The following ZDHHC14 variants were observed in gnomAD, a reference collection of about 807,000 sequenced individuals.
ZDHHC14 encodes the protein palmitoyltransferase ZDHHC14.
Under a neutral mutation model 47.7 loss-of-function variants are expected in ZDHHC14, and 16 were observed. The observed-to-expected ratio is 0.34, with a 90% CI of 0.23 to 0.51. The LOEUF is 0.51. Ranked by LOEUF, ZDHHC14 falls within the 20% of genes least tolerant of loss-of-function variation. ZDHHC14 has a pLI of 0.97. For missense variants in ZDHHC14, 515 were observed against 662.5 expected (o/e 0.78, Z 2.44); for synonymous variants, 293 against 278.9 (o/e 1.05, Z -0.50).
intron 2 of ZDHHC14, among the ~76,000 whole-genome samples, chr6:157,543,813 G>T (rs751050348): frequency 6.6e-6 from 1 of 152,216 alleles, no homozygotes; most frequent in African/African-American, 2.4e-5. Context: ...TAGGAAGGAG[G>T]GGGAGGGAGA....
Position 157,676,376 on chromosome 6 carries a change from A to C in ZDHHC14, c.*3254A>C, listed in dbSNP as rs1164383924. ...AAATGCGAAATCTCTGTTCTGGCCC[A>C]GAATGGCACAAGGGAGGAGTCTTTG... On this transcript the variant is annotated 3_prime_UTR_variant, in exon 9 of 9. Coordinates refer to ENST00000359775, the MANE Select transcript of ZDHHC14 (RefSeq NM_024630.3). 1 of 152,394 alleles carries C rather than the reference A, an allele frequency of 6.6e-6. No homozygotes were observed. Among genetic ancestry groups the C allele is most frequent in the African/African-American group, 2.4e-5 (1 of 41,488 alleles). 9.4% of individuals were successfully genotyped at this position (152,394 alleles called of 1,614,324 possible). A position where few individuals can be genotyped will look rare whatever the true frequency, so the allele number is the denominator to read the frequency against.
At chr6:157,399,749 C>T (rs892688165) in intron 1 of ZDHHC14, among the ~76,000 whole-genome samples, 1 of 152,232 alleles carries the variant, frequency 6.6e-6, no homozygotes, top group Non-Finnish European at 1.5e-5. Flanking sequence ...GTGATCTCAC[C>T]ATTCTCCATG....
At chr6:157,531,082 G>A (rs1781346367) in intron 1 of ZDHHC14, among the ~76,000 whole-genome samples, 1 of 152,056 alleles carries the variant, frequency 6.6e-6, no homozygotes, top group African/African-American at 2.4e-5. Flanking sequence ...GTCTGCTCAG[G>A]TCCCTCTCGG....
chr6:157,488,262 T>C (rs1287108996), intron 1 of ZDHHC14, among the ~76,000 whole-genome samples: 1 of 152,208 alleles, frequency 6.6e-6, no homozygotes, highest in Non-Finnish European at 1.5e-5. Context: ...TGATCTTCTC[T>C]ACTCCACTGT....
At chr6:157,636,051 C>T (rs1217412596) in intron 5 of ZDHHC14, among the ~76,000 whole-genome samples, 1 of 152,152 alleles carries the variant, frequency 6.6e-6, no homozygotes, top group Non-Finnish European at 1.5e-5. Flanking sequence ...GGCAGGGCAG[C>T]CACAGCCTGC....
intron 2 of ZDHHC14, among the ~76,000 whole-genome samples, chr6:157,584,638 C>A (rs566055260): frequency 1.4e-4 from 22 of 152,248 alleles, no homozygotes; most frequent in African/African-American, 4.8e-4. Flanking sequence ...TGATAGAAGG[C>A]CTCCAGCAAG....
intron 1 of ZDHHC14, among the ~76,000 whole-genome samples, chr6:157,412,355 C>T (rs766098899): frequency 3.3e-5 from 5 of 150,002 alleles, no homozygotes; most frequent in Admixed American, 1.3e-4. Context: ...TGCAGTGGTG[C>T]GATCTTGGCT....
intron 2 of ZDHHC14, among the ~76,000 whole-genome samples, chr6:157,556,150 A>G (rs915527739): frequency 2.0e-5 from 3 of 151,788 alleles, no homozygotes; most frequent in African/African-American, 7.3e-5. Context: ...AGCGTGGCGT[A>G]CTCGGAGTAA....
chr6:157,438,227 G>A (rs1778483053), intron 1 of ZDHHC14, among the ~76,000 whole-genome samples: 1 of 152,094 alleles, frequency 6.6e-6, no homozygotes, highest in Admixed American at 6.5e-5. Context: ...CACAAATTTG[G>A]GCTTTCCTGG....
intron 3 of ZDHHC14, among the ~76,000 whole-genome samples, chr6:157,606,921 C>T (rs780110261): frequency 6.6e-6 from 1 of 152,126 alleles, no homozygotes; most frequent in Non-Finnish European, 1.5e-5. Context: ...TGTTTGTCAC[C>T]ACTAGAAACT....
At chr6:157,511,547 C>CTTTTT (rs34988240) in intron 1 of ZDHHC14, among the ~76,000 whole-genome samples, 6 of 114,918 alleles carry the variant, frequency 5.2e-5, no homozygotes, top group Admixed American at 9.9e-5. Flanking sequence ...AGCCCGGGTA[C>CTTTTT]TTTTTTTTTT....
At chr6:157,501,001 A>G (rs962251517) in intron 1 of ZDHHC14, among the ~76,000 whole-genome samples, 4 of 152,198 alleles carry the variant, frequency 2.6e-5, no homozygotes, top group African/African-American at 9.7e-5. Context: ...ATTATTTAGC[A>G]TATTGGAAAG....
chr6:157,509,450 A>G (rs1471867673), intron 1 of ZDHHC14, among the ~76,000 whole-genome samples: 1 of 152,174 alleles, frequency 6.6e-6, no homozygotes, highest in African/African-American at 2.4e-5. Context: ...TAATGGGGAC[A>G]ACTTTATTGT....
Position 157,593,128 on chromosome 6 carries a change from C to G in ZDHHC14, c.547C>G (p.Leu183Val). 2 of 1,613,216 alleles carry G rather than the reference C, an allele frequency of 1.2e-6. No individual in the cohort carries two copies. The highest frequency in any genetic ancestry group is 2.2e-5 in the South Asian group (2 of 90,930). The change falls in exon 3 of 9, where the codon CTT (leucine) becomes GTT (valine). Residue 183 changes from leucine (L) to valine (V), a missense_variant. Physicochemically the swap from Leu to Val is conservative, Grantham distance 32. Transcript: ENST00000359775. ...GCCCCCTCGCGCCTCCCATTGCAGC[C>G]TTTGTGATAACTGCGTAGGTGAGTA... The part of the protein sequence containing the change: ...FRPPRASHCS[L>V]CDNCVERFDH...
intron 8 of ZDHHC14, among the ~76,000 whole-genome samples, chr6:157,667,481 C>T (rs1021900455): frequency 7.3e-5 from 11 of 151,380 alleles, no homozygotes; most frequent in African/African-American, 2.2e-4. Flanking sequence ...AAAGAGAAGA[C>T]GGAAAAAGGA....
chr6:157,631,664 C>T (rs1286340932), intron 4 of ZDHHC14: 1 of 152,202 alleles, frequency 6.6e-6, no homozygotes. Flanking sequence ...CCTGGGAAGG[C>T]GAAGTCTGGA....
At chr6:157,666,916 G>A (rs1778577763) in intron 8 of ZDHHC14, among the ~76,000 whole-genome samples, 1 of 152,032 alleles carries the variant, frequency 6.6e-6, no homozygotes, top group Admixed American at 6.6e-5. Flanking sequence ...ACTTCATTTG[G>A]GCAGTAAATC....
At chr6:157,538,311 C>G (rs1371081669) in intron 1 of ZDHHC14, among the ~76,000 whole-genome samples, 2 of 152,162 alleles carry the variant, frequency 1.3e-5, no homozygotes, top group Non-Finnish European at 2.9e-5. Flanking sequence ...ATCCTGTCCT[C>G]TCAGCTGAGG....
intron 1 of ZDHHC14, among the ~76,000 whole-genome samples, chr6:157,475,297 C>T (rs181561170): frequency 1.3e-5 from 2 of 152,154 alleles, no homozygotes; most frequent in Admixed American, 6.5e-5. Flanking sequence ...ATTTTGAAAG[C>T]AGGTAATGTG....
Sources: gnomAD v4.1 joint callset for allele counts (sites outside exome capture counted in the v4.1 genomes callset) on GRCh38, gnomAD v4.1.1 for gene constraint, MANE v1.5 for transcripts, NCBI Gene and HGNC (gene_info 2026-07-23, HGNC 2026-07-21) for gene names.